CCDC30: variants seen among roughly 807,000 people sequenced by gnomAD.
The protein encoded by CCDC30 is coiled-coil domain-containing protein 30.
CCDC30 carries 70 observed loss-of-function variants against 100.2 expected under a neutral mutation model. That is an observed-to-expected ratio of 0.70 (90% CI 0.58 to 0.85). The LOEUF is 0.85. Ranked by LOEUF, CCDC30 falls within the 40% of genes least tolerant of loss-of-function variation. CCDC30 has a pLI of 0.00. For missense variants in CCDC30, 652 were observed against 771.2 expected (o/e 0.85, Z 1.83); for synonymous variants, 233 against 269.5 (o/e 0.86, Z 1.33).
intron 6 of CCDC30, among the ~76,000 whole-genome samples, chr1:42,546,994 TC>T (rs1386369017): frequency 2.0e-4 from 30 of 152,214 alleles, no homozygotes; most frequent in Non-Finnish European, 2.9e-4. Flanking sequence ...CAAAGTTATA[TC>T]TTTGTAAATG....
chr1:42,551,774 T>TGTGA (rs1463893759), intron 6 of CCDC30, among the ~76,000 whole-genome samples: 1 of 151,236 alleles, frequency 6.6e-6, no homozygotes, highest in African/African-American at 2.4e-5. Flanking sequence ...TGTGTGTGTG[T>TGTGA]GACTGGAACT....
intron 10 of CCDC30, among the ~76,000 whole-genome samples, chr1:42,608,041 T>C (rs1367773102): frequency 1.3e-5 from 2 of 151,778 alleles, no homozygotes; most frequent in Non-Finnish European, 2.9e-5. Context: ...ATACGGCCCT[T>C]TAAGGCTCAT....
At chr1:42,545,675 A>T in intron 6 of CCDC30, 96 bp downstream of exon 9, 1 of 1,097,596 alleles carries the variant, frequency 9.1e-7, no homozygotes, top group Non-Finnish European at 1.3e-6. Context: ...GGCTGGGTGC[A>T]GTGGCTTAAG....
chr1:42,645,605 T>G (rs1484348025), intron 14 of CCDC30, among the ~76,000 whole-genome samples: 1 of 152,202 alleles, frequency 6.6e-6, no homozygotes, highest in Non-Finnish European at 1.5e-5. Context: ...TGTTGATCAC[T>G]GTTGCTGTAA....
chr1:42,626,891 T>C (rs1646943617), intron 11 of CCDC30, among the ~76,000 whole-genome samples: 1 of 152,216 alleles, frequency 6.6e-6, no homozygotes, highest in Non-Finnish European at 1.5e-5. Context: ...TTCAGGTATA[T>C]ATCTTTATCA....
At chr1:42,473,974 T>C (rs1643846126) in intron 1 of CCDC30, among the ~76,000 whole-genome samples, 1 of 152,056 alleles carries the variant, frequency 6.6e-6, no homozygotes. Flanking sequence ...AAGCTATTTT[T>C]TTTTTGGCCC....
chr1:42,516,381 A>G (rs1354140422), intron 6 of CCDC30, among the ~76,000 whole-genome samples: 1 of 152,030 alleles, frequency 6.6e-6, no homozygotes, highest in African/African-American at 2.4e-5. Context: ...AAGATCCCTC[A>G]TGAATAGATT....
intron 5 of CCDC30, 49 bp from the exon 6 acceptor site, chr1:42,498,769 T>A (rs1644265419): frequency 2.2e-6 from 2 of 924,212 alleles, no homozygotes; most frequent in African/African-American, 3.4e-5. Context: ...CAATAATTTA[T>A]CCAAACAAAA....
intron 6 of CCDC30, among the ~76,000 whole-genome samples, chr1:42,528,669 C>T (rs1179558564): frequency 1.3e-5 from 2 of 152,142 alleles, no homozygotes; most frequent in African/African-American, 2.4e-5. Flanking sequence ...TTGGGTGGGC[C>T]TTAATATTCC....
intron 6 of CCDC30, among the ~76,000 whole-genome samples, chr1:42,522,553 T>A (rs1445623743): frequency 1.3e-5 from 2 of 152,234 alleles, no homozygotes; most frequent in African/African-American, 4.8e-5. Flanking sequence ...ACATTTAACA[T>A]CTTAAAGTTA....
At chr1:42,480,715 C>T in intron 2 of CCDC30, 149 bp downstream of exon 2, 1 of 686,522 alleles carries the variant, frequency 1.5e-6, no homozygotes, top group Non-Finnish European at 1.8e-6. Context: ...GTGTAACAGT[C>T]TAAAAAAACT....
At chr1:42,546,407 T>TACAC in intron 6 of CCDC30, among the ~76,000 whole-genome samples, 389 of 3,192 alleles carry the variant, frequency 0.12, 13 homozygotes, top group Middle Eastern at 0.5. Flanking sequence ...AAAATATATA[T>TACAC]ATATATATAT....
chr1:42,539,411 T>G, intron 6 of CCDC30, 101 bp downstream of exon 8: 1 of 1,076,794 alleles, frequency 9.3e-7, no homozygotes, highest in Non-Finnish European at 1.3e-6. Flanking sequence ...ATTTGGGAAT[T>G]GGAGTTTCTT....
chr1:42,492,509 T>G (rs967023079), intron 4 of CCDC30: 1 of 153,746 alleles, frequency 6.5e-6, no homozygotes, highest in Non-Finnish European at 1.5e-5. Flanking sequence ...AGTTCAAAAT[T>G]TAAAAAAAAG....
chr1:42,458,282 A>G (rs1190622693), upstream of CCDC30, among the ~76,000 whole-genome samples: 1 of 152,194 alleles, frequency 6.6e-6, no homozygotes, highest in East Asian at 1.9e-4. Context: ...TGGAGTGGGT[A>G]GATTAGTTGG....
intron 11 of CCDC30, among the ~76,000 whole-genome samples, chr1:42,615,257 G>A (rs2148649194): frequency 6.6e-6 from 1 of 152,236 alleles, no homozygotes; most frequent in East Asian, 1.9e-4. Context: ...CTGGTTGCTG[G>A]AATTTGTGTC....
intron 6 of CCDC30, among the ~76,000 whole-genome samples, chr1:42,511,218 G>A (rs1007811404): frequency 6.6e-6 from 1 of 152,090 alleles, no homozygotes; most frequent in African/African-American, 2.4e-5. Flanking sequence ...TGGAACCAGA[G>A]GAACTAAGCA....
intron 13 of CCDC30, among the ~76,000 whole-genome samples, chr1:42,644,147 T>C (rs1647676870): frequency 6.6e-6 from 1 of 152,138 alleles, no homozygotes; most frequent in African/African-American, 2.4e-5. Flanking sequence ...TATATACATA[T>C]ATATAAAGAG....
chr1:42,530,449 C>T (rs930251718), intron 6 of CCDC30, among the ~76,000 whole-genome samples: 1 of 152,074 alleles, frequency 6.6e-6, no homozygotes, highest in Non-Finnish European at 1.5e-5. Context: ...TTCCACATCT[C>T]CCAATTCAAC....
Sources: allele counts gnomAD v4.1 joint callset (sites outside exome capture counted in the v4.1 genomes callset), GRCh38; gene constraint gnomAD v4.1.1; transcripts MANE v1.5; gene names NCBI Gene and HGNC (gene_info 2026-07-23, HGNC 2026-07-21).